Variants in RALYL observed in about 807,000 individuals in gnomAD.
RALYL encodes the protein RNA-binding Raly-like protein.
RALYL carries 29 observed loss-of-function variants against 35.1 expected under a neutral mutation model. The observed-to-expected ratio is 0.83, with a 90% CI of 0.61 to 1.13. The LOEUF is 1.13. Among genes scored for constraint, RALYL ranks in the 50% most tolerant of loss-of-function variants. The pLI is 0.00. For missense variants in RALYL, 359 were observed against 360.4 expected (o/e 1.00, Z 0.03); for synonymous variants, 120 against 127.6 (o/e 0.94, Z 0.40).
At chr8:84,472,014 G>A (rs2052830451) in intron 1 of RALYL, among the ~76,000 whole-genome samples, 1 of 152,074 alleles carries the variant, frequency 6.6e-6, no homozygotes. Context: ...ATTCTCAGTA[G>A]GAACACTTTC....
intron 2 of RALYL, among the ~76,000 whole-genome samples, chr8:84,733,738 T>C (rs1846680760): frequency 6.6e-6 from 1 of 152,128 alleles, no homozygotes; most frequent in African/African-American, 2.4e-5. Flanking sequence ...TTTTGGTAAA[T>C]GGGAAAGTAT....
chr8:84,464,293 A>G (rs1236002551), intron 1 of RALYL, among the ~76,000 whole-genome samples: 1 of 150,630 alleles, frequency 6.6e-6, no homozygotes, highest in Non-Finnish European at 1.5e-5. Context: ...CCTCCCCCGT[A>G]CCCCTACCCC....
intron 2 of RALYL, among the ~76,000 whole-genome samples, chr8:84,632,827 C>A (rs1351745791): frequency 1.3e-5 from 2 of 151,900 alleles, no homozygotes; most frequent in African/African-American, 2.4e-5. Context: ...ACAGTGTTTT[C>A]ATTTCAGCAA....
intron 1 of RALYL, among the ~76,000 whole-genome samples, chr8:84,419,140 C>T (rs920495510): frequency 1.3e-5 from 2 of 152,156 alleles, no homozygotes; most frequent in Non-Finnish European, 2.9e-5. Flanking sequence ...GTAGTCCAAC[C>T]CCTTCTCTGT....
chr8:84,650,607 C>T (rs1042153633), intron 2 of RALYL, among the ~76,000 whole-genome samples: 1 of 151,968 alleles, frequency 6.6e-6, no homozygotes, highest in Non-Finnish European at 1.5e-5. Flanking sequence ...AATAGGAGCA[C>T]TTTTACACTG....
intron 2 of RALYL, among the ~76,000 whole-genome samples, chr8:84,571,265 T>A (rs1255801345): frequency 6.6e-6 from 1 of 151,758 alleles, no homozygotes; most frequent in Non-Finnish European, 1.5e-5. Flanking sequence ...GTTGGAAGAT[T>A]TTTTTTATTA....
chr8:84,604,500 G>A (rs951484612), intron 2 of RALYL, among the ~76,000 whole-genome samples: 1 of 152,088 alleles, frequency 6.6e-6, no homozygotes, highest in African/African-American at 2.4e-5. Flanking sequence ...GTCCCATCTC[G>A]CTGCTGCTGC....
intron 2 of RALYL, among the ~76,000 whole-genome samples, chr8:84,554,611 C>T (rs184212966): frequency 3.2e-4 from 49 of 152,242 alleles, no homozygotes; most frequent in African/African-American, 1.2e-3. Flanking sequence ...CTCCGTTTCT[C>T]CAGCACCTGG....
chr8:84,604,874 T>A (rs762426229), intron 2 of RALYL, among the ~76,000 whole-genome samples: 4 of 152,146 alleles, frequency 2.6e-5, no homozygotes, highest in Non-Finnish European at 5.9e-5. Flanking sequence ...GCAACAAATG[T>A]ATAAAAGCAG....
intron 1 of RALYL, among the ~76,000 whole-genome samples, chr8:84,234,996 C>A (rs1390838203): frequency 1.1e-4 from 16 of 152,040 alleles, no homozygotes. Context: ...AACTTCTGAC[C>A]TTGTGATCTG....
intron 1 of RALYL, among the ~76,000 whole-genome samples, chr8:84,456,038 T>A (rs2050095633): frequency 1.3e-5 from 2 of 151,980 alleles, no homozygotes; most frequent in Non-Finnish European, 2.9e-5. Flanking sequence ...ACCCTCTCTC[T>A]TCTTTCAGTC....
intron 2 of RALYL, among the ~76,000 whole-genome samples, chr8:84,588,985 C>T (rs1002671008): frequency 6.6e-6 from 1 of 152,098 alleles, no homozygotes; most frequent in Non-Finnish European, 1.5e-5. Context: ...GCAACCTCCG[C>T]CTCCTGGGTT....
At chr8:84,636,951 C>A (rs928713091) in intron 2 of RALYL, among the ~76,000 whole-genome samples, 3 of 151,988 alleles carry the variant, frequency 2.0e-5, no homozygotes, top group African/African-American at 7.2e-5. Context: ...TGTTGATGTT[C>A]TAACTATTCT....
At chr8:84,605,779 C>T (rs1419668687) in intron 2 of RALYL, among the ~76,000 whole-genome samples, 1 of 152,098 alleles carries the variant, frequency 6.6e-6, no homozygotes, top group African/African-American at 2.4e-5. Flanking sequence ...GCCTCAGTAA[C>T]CTAGCACACC....
chr8:84,601,413 C>A (rs965964627), intron 2 of RALYL, among the ~76,000 whole-genome samples: 4 of 152,114 alleles, frequency 2.6e-5, no homozygotes, highest in Non-Finnish European at 5.9e-5. Flanking sequence ...AGATGCTGGC[C>A]TCTATGAGAA....
At position 84,573,771 on chromosome 8, in the gene RALYL, T is replaced by C. The variant is rs191331130; in HGVS notation, c.256+44194T>C. ...CTATTGCTGTATTTTCTCTGATCTC[T>C]TTTGAATAGTGTTAAATCAGCTATT... is the stretch of plus-strand genomic sequence containing the variant. On this transcript the variant is annotated intron_variant, in intron 2 of 8. Coordinates refer to ENST00000521268, the MANE Select transcript of RALYL (RefSeq NM_173848.7). Among the ~76,000 whole-genome samples, 190 of 152,100 alleles carry C rather than the reference T, an allele frequency of 1.2e-3. 1 individual carries two copies. Among genetic ancestry groups the C allele is most frequent in the African/African-American group, 3.6e-3 (148 of 41,562 alleles).
At chr8:84,889,797 G>T (rs1222352938) in intron 8 of RALYL, among the ~76,000 whole-genome samples, 1 of 151,906 alleles carries the variant, frequency 6.6e-6, no homozygotes, top group East Asian at 1.9e-4. Context: ...AAACAGCATC[G>T]CCATTCACAT....
intron 1 of RALYL, among the ~76,000 whole-genome samples, chr8:84,428,885 T>C (rs747247153): frequency 2.6e-5 from 4 of 152,306 alleles, no homozygotes; most frequent in Non-Finnish European, 4.4e-5. Context: ...TTATGACTTA[T>C]AATTTATAAA....
chr8:84,459,885 T>C (rs965128712), intron 1 of RALYL, among the ~76,000 whole-genome samples: 4 of 151,830 alleles, frequency 2.6e-5, no homozygotes, highest in Admixed American at 6.6e-5. Flanking sequence ...CTGCTTCACA[T>C]ATTTCTTCTG....
Sources: gnomAD v4.1 joint callset for allele counts (sites outside exome capture counted in the v4.1 genomes callset) on GRCh38, gnomAD v4.1.1 for gene constraint, MANE v1.5 for transcripts, NCBI Gene and HGNC (gene_info 2026-07-23, HGNC 2026-07-21) for gene names.